Variants in FANCD2 observed in about 807,000 individuals in gnomAD.
FANCD2 encodes the protein Fanconi anemia group D2 protein.
A neutral mutation model predicts 192.3 loss-of-function variants in FANCD2; 131 were observed. The observed-to-expected ratio is 0.68, with a 90% CI of 0.59 to 0.79. The LOEUF is 0.79. Among genes scored for constraint, FANCD2 ranks in the 30% least tolerant of loss-of-function variants. The pLI, the probability that FANCD2 is intolerant of heterozygous loss-of-function variation, is 0.00. For synonymous variants in FANCD2, 524 were observed against 612.5 expected (o/e 0.86, Z 2.13); for missense variants, 1,508 against 1,701.6 (o/e 0.89, Z 2.00).
At chr3:10,089,993 A>T (rs949597641) in intron 36 of FANCD2, among the ~76,000 whole-genome samples, 1 of 152,222 alleles carries the variant, frequency 6.6e-6, no homozygotes, top group African/African-American at 2.4e-5. Context: ...TCAAGCTTAC[A>T]CGTGCAATAA....
chr3:10,034,710 G>C lies in FANCD2; in HGVS notation c.289G>C (p.Val97Leu), dbSNP rs1480379325. 1 of 1,565,780 alleles carries C rather than the reference G, an allele frequency of 6.4e-7. No individual in the cohort carries two copies. The highest frequency in any genetic ancestry group is 1.4e-5 in the African/African-American group (1 of 73,780). The change falls in exon 5 of 44, where the codon GTT (valine) becomes CTT (leucine). Residue 97 changes from valine to leucine, a missense_variant. Around this residue, in one of 5 missense-constraint regions of FANCD2, gnomAD observed 435 missense variants for 421.9 expected, o/e 1.03. Transcript: ENST00000675286. ...PSYPKIIEEFVSGLESYIEDE... is the reference protein window; with the variant it reads ...PSYPKIIEEFLSGLESYIEDE... Reference sequence around the variant, plus strand: ...TCTCCTTAAGATAATAGAAGAATTTGTTAGTGGCCTGGAGTCTTACATTGA... The same window carrying C: ...TCTCCTTAAGATAATAGAAGAATTTCTTAGTGGCCTGGAGTCTTACATTGA...
At chr3:10,041,827 A>C in intron 10 of FANCD2, 117 bp downstream of exon 10, 1 of 730,202 alleles carries the variant, frequency 1.4e-6, no homozygotes, top group Non-Finnish European at 2.4e-6. Context: ...ATAGTGAATC[A>C]CATTTGATAT....
At chr3:10,037,715 ATAT>A (rs1210798360) in intron 7 of FANCD2, 1 of 152,234 alleles carries the variant, frequency 6.6e-6, no homozygotes, top group African/African-American at 2.4e-5. Flanking sequence ...AAAAATAGAA[ATAT>A]TATGTGCACA....
chr3:10,039,663 G>T, intron 8 of FANCD2, 58 bp from the exon 9 acceptor site: 6 of 1,602,186 alleles, frequency 3.7e-6, no homozygotes, highest in Non-Finnish European at 4.3e-6. Flanking sequence ...TCACACGTAG[G>T]TAGTCTTTCT....
chr3:10,090,146 C>G, intron 36 of FANCD2, 146 bp from the exon 37 acceptor site: 1 of 661,294 alleles, frequency 1.5e-6, no homozygotes, highest in South Asian at 1.6e-5. Context: ...TGAGTCCTTT[C>G]CGCTCCCCCA....
At chr3:10,053,243 T>C (rs1176242311) in intron 18 of FANCD2, among the ~76,000 whole-genome samples, 3 of 150,680 alleles carry the variant, frequency 2.0e-5, no homozygotes, top group South Asian at 4.2e-4. Flanking sequence ...ATGGATGAAA[T>C]TGGAAATCAT....
chr3:10,087,372 C>A, intron 34 of FANCD2, 108 bp downstream of exon 34: 2 of 1,086,354 alleles, frequency 1.8e-6, no homozygotes, highest in Non-Finnish European at 2.6e-6. Flanking sequence ...TAAATCCCCA[C>A]ATAACCTTGG....
chr3:10,080,992 A>C (rs572010952), intron 30 of FANCD2, 108 bp from the exon 31 acceptor site: 1 of 1,220,232 alleles, frequency 8.2e-7, no homozygotes, highest in East Asian at 2.3e-5. Context: ...CATTTCTCCC[A>C]TCTGCTCCTA....
At chr3:10,093,201 G>A in intron 38 of FANCD2, 84 bp from the exon 39 acceptor site, 1 of 996,004 alleles carries the variant, frequency 1.0e-6, no homozygotes, top group Non-Finnish European at 1.6e-6. Context: ...AGCACCCAAA[G>A]CTGTGCTTTG....
rs2125100849 is a variant in FANCD2, at chr3:10,098,771, G to A, written c.4237G>A (p.Glu1413Lys). The stretch of plus-strand genomic sequence containing the variant: ...CCAGGAGAGCACAGCAGATGAGAGT[G>A]AGGATGACATGTCATCCCAGGCCTC... ...NSQESTADES[E>K]DDMSSQASKS... The change falls in exon 43 of 44, where the codon GAG becomes AAG. Residue 1413 changes from glutamate (E) to lysine (K), a missense_variant. This residue lies in a region of FANCD2 where 796 missense variants were observed against 879.4 expected (regional missense o/e 0.91). Transcript: ENST00000675286. 1 of 1,613,892 alleles carries A rather than the reference G, an allele frequency of 6.2e-7. No individual in the cohort carries two copies. Among genetic ancestry groups the A allele is most frequent in the Non-Finnish European group, 8.5e-7 (1 of 1,179,786 alleles).
In FANCD2 at chr3:10,101,377, C is replaced by CTTTTTTTTTTT; in HGVS notation, c.*130_*140dup. On this transcript the variant is annotated 3_prime_UTR_variant, in exon 44 of 44. Transcript: ENST00000675286. ...ACTGGTAGGATCCTTTTTTGTTCCT[C>CTTTTTTTTTTT]TTTTTTTTTTTTTTTTTTTTTTTTT... 2.6e-6 allele frequency: 1 copy of CTTTTTTTTTTT among 388,318 alleles called. No individual in the cohort carries two copies. Among genetic ancestry groups the CTTTTTTTTTTT allele is most frequent in the Non-Finnish European group, 4.6e-6 (1 of 218,362 alleles). 24.1% of individuals were successfully genotyped at this position (388,318 alleles called of 1,614,324 possible).
In FANCD2 at chr3:10,052,513, T is replaced by A. The variant is rs1401328618; in HGVS notation, c.1656+16T>A. 1.3e-6 allele frequency: 2 copies of A among 1,570,158 alleles called. No individual in the cohort carries two copies. Among genetic ancestry groups the A allele is most frequent in the African/African-American group, 1.4e-5 (1 of 70,674 alleles). On this transcript the variant is annotated intron_variant, in intron 18 of 43. Coordinates refer to ENST00000675286, the MANE Select transcript of FANCD2 (RefSeq NM_001018115.3). ...CCACATCCAGGTAAGAGGCAATATG[T>A]TGGGAAAGATTTTTTTTTTTTTGAG...
intron 36 of FANCD2, 56 bp from the exon 37 acceptor site, chr3:10,090,236 G>C (rs1358600150): frequency 1.1e-5 from 14 of 1,312,234 alleles, no homozygotes; most frequent in Non-Finnish European, 1.3e-5. Context: ...GTTCTTCCCA[G>C]GTAGTTCTAA....
At chr3:10,038,068 G>A (rs2086775082) in intron 7 of FANCD2, among the ~76,000 whole-genome samples, 1 of 152,194 alleles carries the variant, frequency 6.6e-6, no homozygotes, top group South Asian at 2.1e-4. Flanking sequence ...TTGGCTCACT[G>A]CAACCTCTGC....
intron 26 of FANCD2, 84 bp from the exon 27 acceptor site, chr3:10,072,787 T>A: frequency 1.2e-6 from 1 of 806,792 alleles, no homozygotes; most frequent in Admixed American, 1.8e-5. Flanking sequence ...AAACTAGTTT[T>A]TAGCCAATGG....
At position 10,032,950 on chromosome 3, in the gene FANCD2, G is replaced by T. The variant is rs771445756; in HGVS notation, c.183G>T (p.Thr61=). The T allele has an allele frequency of 1.1e-5, 18 of 1,588,664 alleles. No individual in the cohort carries two copies. In the South Asian group the frequency reaches 1.9e-4, roughly 17 times the overall value. Residue 61 remains threonine (T), a synonymous_variant, in exon 3 of 44, where the codon ACG becomes ACT. Coordinates refer to ENST00000675286, the MANE Select transcript of FANCD2 (RefSeq NM_001018115.3). ...LLKISGIILK[T]GESQNQLAVD... is the part of the protein sequence containing the mutation. ...AGATATCAGGAATTATTCTTAAAAC[G>T]GGAGAGAGTCAGAATCAACTAGGTA...
chr3:10,037,811 G>T (rs888709920), intron 7 of FANCD2, among the ~76,000 whole-genome samples: 1 of 152,036 alleles, frequency 6.6e-6, no homozygotes, highest in African/African-American at 2.4e-5. Context: ...CTTATATTAG[G>T]TTGGTGCAAA....
At chr3:10,054,136 CA>C (rs1358709286) in intron 18 of FANCD2, among the ~76,000 whole-genome samples, 9 of 151,396 alleles carry the variant, frequency 5.9e-5, no homozygotes, top group Admixed American at 6.6e-5. Flanking sequence ...CCATTGAGCC[CA>C]GGAAGTTGAG....
chr3:10,047,529 G>A (rs1371190989), intron 15 of FANCD2, among the ~76,000 whole-genome samples: 2 of 152,296 alleles, frequency 1.3e-5, no homozygotes, highest in Non-Finnish European at 2.9e-5. Context: ...AATCAGCTTA[G>A]TTAGCATTGA....
Sources: allele counts gnomAD v4.1 joint callset (sites outside exome capture counted in the v4.1 genomes callset), GRCh38; gene constraint gnomAD v4.1.1; regional missense constraint gnomAD v4.1.1; transcripts MANE v1.5; gene names NCBI Gene and HGNC (gene_info 2026-07-23, HGNC 2026-07-21).